The following PCDHA7 variants were observed in gnomAD, a reference collection of about 807,000 sequenced individuals.
PCDHA7 encodes the protein protocadherin alpha 7, also known as protocadherin alpha-7.
A neutral mutation model predicts 57.2 loss-of-function variants in PCDHA7; 37 were observed. That is an observed-to-expected ratio of 0.65 (90% CI 0.50 to 0.85). The LOEUF (loss-of-function observed/expected upper bound fraction) is 0.85, where lower values mean the gene tolerates loss of function less well. PCDHA7 is among the 40% of genes least tolerant of loss of function. PCDHA7 has a pLI of 0.00. For synonymous variants in PCDHA7, 553 were observed against 558.8 expected (o/e 0.99, Z 0.15); for missense variants, 1,188 against 1,241.8 (o/e 0.96, Z 0.65).
At position 140,852,928 on chromosome 5, in the gene PCDHA7, G is replaced by A. The variant is rs2150525567; in HGVS notation, c.2355+16190G>A. 7.3e-5 allele frequency: 48 copies of A among 653,604 alleles called. 1 individual carries two copies. The highest frequency in any genetic ancestry group is 1.3e-4 in the East Asian group (1 of 7,716). 40.5% of individuals were successfully genotyped at this position (653,604 alleles called of 1,614,324 possible). ...GAGTCTCGCTCTGTTGCCCAGGCTG[G>A]AGTGCAGTGGTGCCATCTTGGCTCA... On this transcript the variant is annotated intron_variant, in intron 1 of 3. Transcript: ENST00000525929.
Position 140,923,432 on chromosome 5 carries a change from G to A in PCDHA7, c.2356-55517G>A, listed in dbSNP as rs116357562. Among the ~76,000 whole-genome samples, 1,228 of 152,230 alleles carry A rather than the reference G, an allele frequency of 8.1e-3. 6 individuals are homozygous for A. The highest frequency in any genetic ancestry group is 0.019 in the African/African-American group (793 of 41,542). The stretch of plus-strand genomic sequence containing the variant: ...AATCCTGGCTACTTGGGAGGCTGGG[G>A]TGGGAGGATCACCTGAGCCCAGAGA... On this transcript the variant is annotated intron_variant, in intron 1 of 3. Transcript: ENST00000525929.
chr5:140,900,543 C>T (rs889758586), intron 1 of PCDHA7, among the ~76,000 whole-genome samples: 2 of 152,210 alleles, frequency 1.3e-5, no homozygotes, highest in African/African-American at 4.8e-5. Context: ...TTCCAAAGTG[C>T]TGGGATTACA....
At position 140,876,889 on chromosome 5, in the gene PCDHA7, C is replaced by G. The variant is rs1409299527; in HGVS notation, c.2355+40151C>G. On this transcript the variant is annotated intron_variant, in intron 1 of 3. Coordinates refer to ENST00000525929, the MANE Select transcript of PCDHA7 (RefSeq NM_018910.3). ...GAAGGAGAACAACCCGCCGGGCTGC[C>G]ACATCTTCACGGTGTCGGCATGGGA... 3.1e-6 allele frequency: 5 copies of G among 1,613,996 alleles called. No homozygotes were observed. In the African/African-American group the frequency reaches 6.7e-5, roughly 22 times the overall value.
intron 1 of PCDHA7, chr5:140,849,976 T>A: frequency 1.3e-6 from 2 of 1,597,616 alleles, no homozygotes; most frequent in Non-Finnish European, 1.7e-6. Context: ...TCCTACTCGC[T>A]GGTGGAGCGG....
chr5:140,898,228 C>T (rs1302111875), intron 1 of PCDHA7, among the ~76,000 whole-genome samples: 1 of 152,118 alleles, frequency 6.6e-6, no homozygotes, highest in Non-Finnish European at 1.5e-5. Flanking sequence ...CTTTTGTTGC[C>T]ATTGCTTTTG....
intron 1 of PCDHA7, among the ~76,000 whole-genome samples, chr5:140,893,884 G>T (rs189719076): frequency 6.6e-6 from 1 of 152,296 alleles, no homozygotes; most frequent in Non-Finnish European, 1.5e-5. Flanking sequence ...AAAGTGGCCA[G>T]AAAGTTACTT....
chr5:140,913,807 C>A (rs2076472600), intron 1 of PCDHA7, among the ~76,000 whole-genome samples: 1 of 152,068 alleles, frequency 6.6e-6, no homozygotes, highest in African/African-American at 2.4e-5. Flanking sequence ...ATCAAATTTT[C>A]AATTTCCTTT....
In PCDHA7 at chr5:140,968,374, C is replaced by T. The variant is rs782537254; in HGVS notation, c.2356-10575C>T. On this transcript the variant is annotated intron_variant, in intron 1 of 3. Coordinates refer to ENST00000525929, the MANE Select transcript of PCDHA7 (RefSeq NM_018910.3). ...GTGGCAGCCTTTATGCTGTCAACTC[C>T]TTTGACTATGAGAAGTTTCGGGAGT... is the stretch of plus-strand genomic sequence containing the variant. 5.0e-6 allele frequency: 8 copies of T among 1,614,064 alleles called. No homozygotes were observed. The Admixed American group carries it at 1.0e-4, about 20-fold the overall frequency.
At chr5:141,000,080 G>C (rs1554257118) in intron 3 of PCDHA7, among the ~76,000 whole-genome samples, 1 of 152,068 alleles carries the variant, frequency 6.6e-6, no homozygotes, top group Non-Finnish European at 1.5e-5. Flanking sequence ...ACAATGCTAG[G>C]CCTGTGAATG....
intron 1 of PCDHA7, chr5:140,852,936 T>A: frequency 1.7e-6 from 1 of 599,096 alleles, no homozygotes; most frequent in Non-Finnish European, 2.2e-6. Flanking sequence ...TGGAGTGCAG[T>A]GGTGCCATCT....
At chr5:140,900,674 T>C (rs782072148) in intron 1 of PCDHA7, among the ~76,000 whole-genome samples, 11 of 152,230 alleles carry the variant, frequency 7.2e-5, no homozygotes, top group African/African-American at 2.4e-4. Context: ...AGTGCAGTTA[T>C]CTCTTCAATA....
At chr5:140,854,731 T>A (rs536045745) in intron 1 of PCDHA7, 2 of 150,048 alleles carry the variant, frequency 1.3e-5, no homozygotes, top group Admixed American at 1.3e-4. Flanking sequence ...TCAAGTTTTT[T>A]TCAGCAGCAC....
chr5:140,989,609 T>C (rs782186182), intron 3 of PCDHA7, among the ~76,000 whole-genome samples: 4 of 152,178 alleles, frequency 2.6e-5, no homozygotes, highest in Non-Finnish European at 5.9e-5. Flanking sequence ...AAACTAAAAA[T>C]GAAAGTCTGT....
rs2150395241 is a variant in PCDHA7, at chr5:140,846,875, G to A, written c.2355+10137G>A. Among the ~76,000 whole-genome samples the A allele has an allele frequency of 4.0e-5, 6 of 149,568 alleles. 1 individual carries two copies. Among genetic ancestry groups the A allele is most frequent in the Non-Finnish European group, 7.5e-5 (5 of 66,912 alleles). On this transcript the variant is annotated intron_variant, in intron 1 of 3. Transcript: ENST00000525929. ...CAAGATAATGTAACAGGTACAAGAG[G>A]TAAATCAGAATGACGTTGAAGTTGA... is the stretch of plus-strand genomic sequence containing the variant.
chr5:140,928,863 C>T (rs1554206433), intron 1 of PCDHA7: 8 of 1,614,172 alleles, frequency 5.0e-6, no homozygotes, highest in Middle Eastern at 1.7e-4. Context: ...TGCTGTTGAG[C>T]AACTCTGTCC....
intron 1 of PCDHA7, among the ~76,000 whole-genome samples, chr5:140,919,122 T>G (rs879989359): frequency 6.6e-6 from 1 of 152,224 alleles, no homozygotes; most frequent in African/African-American, 2.4e-5. Context: ...AGTTTTTGCT[T>G]CATGTGTTTT....
intron 1 of PCDHA7, chr5:140,967,556 G>A (rs1586226034): frequency 6.2e-7 from 1 of 1,614,030 alleles, no homozygotes; most frequent in East Asian, 2.2e-5. Context: ...CACTTATCGC[G>A]TCCAGCTACG....
intron 1 of PCDHA7, among the ~76,000 whole-genome samples, chr5:140,945,017 T>C (rs1563211481): frequency 6.6e-6 from 1 of 152,172 alleles, no homozygotes; most frequent in Non-Finnish European, 1.5e-5. Context: ...AATTATTTTT[T>C]ACTCAGACAT....
At chr5:140,874,174 G>A (rs2054753797) in intron 1 of PCDHA7, among the ~76,000 whole-genome samples, 1 of 152,292 alleles carries the variant, frequency 6.6e-6, no homozygotes, top group East Asian at 1.9e-4. Context: ...CTTTCCTGGT[G>A]TTGTAAAGGT....
Sources: allele counts gnomAD v4.1 joint callset (sites outside exome capture counted in the v4.1 genomes callset), GRCh38; gene constraint gnomAD v4.1.1; transcripts MANE v1.5; gene names NCBI Gene and HGNC (gene_info 2026-07-23, HGNC 2026-07-21).